TMEM71: variants seen among roughly 807,000 people sequenced by gnomAD.
TMEM71 encodes the protein transmembrane protein 71.
Under a neutral mutation model 38.0 loss-of-function variants are expected in TMEM71, and 44 were observed. The ratio of observed to expected loss-of-function variants is 1.16; its 90% CI spans 0.91 to 1.49. The LOEUF (loss-of-function observed/expected upper bound fraction) is 1.49. Ranked by LOEUF, TMEM71 falls within the 40% of genes most tolerant of loss-of-function variation. The probability of loss-of-function intolerance (pLI) is 0.00; values close to 1 mark genes in which losing one functional copy is unlikely to be tolerated. For synonymous variants in TMEM71, 133 were observed against 122.5 expected (o/e 1.09, Z -0.56); for missense variants, 367 against 348.6 (o/e 1.05, Z -0.42).
intron 7 of TMEM71, among the ~76,000 whole-genome samples, chr8:132,719,107 A>G (rs1586785216): frequency 6.6e-6 from 1 of 152,348 alleles, no homozygotes; most frequent in Middle Eastern, 3.4e-3. Flanking sequence ...TTTTGTATAA[A>G]CACCTGTAAT....
chr8:132,732,221 G>T (rs1197772313), intron 5 of TMEM71, among the ~76,000 whole-genome samples: 2 of 152,178 alleles, frequency 1.3e-5, no homozygotes, highest in Non-Finnish European at 2.9e-5. Flanking sequence ...CTAGGAAGGG[G>T]TGTCTGAGTC....
intron 3 of TMEM71, 35 bp from the exon 4 acceptor site, chr8:132,752,032 A>G (rs759727795): frequency 1.7e-5 from 27 of 1,551,956 alleles, no homozygotes; most frequent in South Asian, 2.2e-5. Flanking sequence ...TTAAATCTCT[A>G]TTCAGTACAT....
In TMEM71 at chr8:132,727,997, A is replaced by T; in HGVS notation, c.488-11T>A. On this transcript the variant is annotated splice_polypyrimidine_tract_variant and intron_variant, in intron 5 of 9. Transcript: ENST00000677595. ...AGTCTAAATCATCTGCTGAAAAAGC[A>T]GAGGGGTTCAGTGTGAGTGTGTGTG... is the stretch of plus-strand genomic sequence containing the variant. 6.3e-7 allele frequency: 1 copy of T among 1,590,776 alleles called. No individual in the cohort carries two copies. Among genetic ancestry groups the T allele is most frequent in the Non-Finnish European group, 8.5e-7 (1 of 1,172,368 alleles).
intron 5 of TMEM71, among the ~76,000 whole-genome samples, chr8:132,745,337 C>A (rs1438615482): frequency 1.3e-5 from 2 of 151,890 alleles, no homozygotes; most frequent in Admixed American, 6.6e-5. Context: ...TAAGCAAAAA[C>A]CAAATAATCC....
intron 7 of TMEM71, among the ~76,000 whole-genome samples, chr8:132,717,508 C>T (rs962442634): frequency 6.6e-6 from 1 of 152,126 alleles, no homozygotes; most frequent in Non-Finnish European, 1.5e-5. Flanking sequence ...CATCATTATC[C>T]ATCAGGGAAA....
rs1554619985 is a variant in TMEM71, at chr8:132,756,411, T to TATTATA, written c.101+822_101+823insTATAAT. On this transcript the variant is annotated intron_variant, in intron 3 of 9. Coordinates refer to ENST00000677595, the MANE Select transcript of TMEM71 (RefSeq NM_001382403.1). The stretch of plus-strand genomic sequence containing the variant: ...CCATATATTGACACTAACATATATA[T>TATTATA]TATATATATATATATATATATATAT... Among the ~76,000 whole-genome samples the TATTATA allele has an allele frequency of 4.4e-3, 510 of 115,768 alleles. 2 individuals carry two copies. Among genetic ancestry groups the TATTATA allele is most frequent in the African/African-American group, 0.013 (316 of 24,492 alleles). 75.9% of individuals were successfully genotyped at this position (115,768 alleles called of 152,430 possible).
chr8:132,721,735 C>A lies in TMEM71; in HGVS notation c.752+305G>T, dbSNP rs185157302. ...CTAATTTCATACTTTTAATTTTCAC[C>A]ATGTTGGTCAGGCTGGTCTCGAACT... On this transcript the variant is annotated intron_variant, in intron 7 of 9. Coordinates refer to ENST00000677595, the MANE Select transcript of TMEM71 (RefSeq NM_001382403.1). Among the ~76,000 whole-genome samples, 292 of 151,808 alleles carry A rather than the reference C, an allele frequency of 1.9e-3. 1 individual carries two copies. Among genetic ancestry groups the A allele is most frequent in the African/African-American group, 6.8e-3 (282 of 41,438 alleles).
At chr8:132,756,411 T>TTATA (rs55767264) in intron 3 of TMEM71, among the ~76,000 whole-genome samples, 7,685 of 115,446 alleles carry the variant, frequency 0.067, 317 homozygotes, top group African/African-American at 0.1. Flanking sequence ...AACATATATA[T>TTATA]TATATATATA....
At position 132,715,765 on chromosome 8, in the gene TMEM71, T is replaced by A. The variant is rs944433968; in HGVS notation, c.753-1550A>T. The stretch of plus-strand genomic sequence containing the variant: ...GATTCAGCAACAAAAAGGAATGAGC[T>A]AATTGTAGAATAGCACATTTGTTAT... On this transcript the variant is annotated intron_variant, in intron 7 of 9. Transcript: ENST00000677595. Among the ~76,000 whole-genome samples the A allele has an allele frequency of 2.0e-5, 3 of 152,380 alleles. No homozygotes were observed. In the East Asian group the frequency reaches 5.8e-4, roughly 29 times the overall value.
downstream of TMEM71, among the ~76,000 whole-genome samples, chr8:132,708,835 A>C (rs554559795): frequency 2.4e-4 from 36 of 152,374 alleles, no homozygotes; most frequent in Non-Finnish European, 4.6e-4. Context: ...CCACAGAAGC[A>C]GAGGCTAGAG....
intron 6 of TMEM71, 123 bp downstream of exon 6, chr8:132,727,675 C>T: frequency 1.2e-6 from 1 of 808,344 alleles, no homozygotes; most frequent in Non-Finnish European, 1.9e-6. Flanking sequence ...GCCCCATGTC[C>T]TCCCTTCCTC....
At chr8:132,759,030 A>G (rs976017031) in intron 1 of TMEM71, 115 bp from the exon 2 acceptor site, 2 of 659,120 alleles carry the variant, frequency 3.0e-6, no homozygotes, top group Non-Finnish European at 5.3e-6. Flanking sequence ...AATAATACAG[A>G]GATACAGAAT....
chr8:132,719,772 C>T (rs1826738818), intron 7 of TMEM71, among the ~76,000 whole-genome samples: 1 of 152,116 alleles, frequency 6.6e-6, no homozygotes, highest in Non-Finnish European at 1.5e-5. Flanking sequence ...TCAGCTTCCT[C>T]TATTATTATT....
chr8:132,750,668 CT>C (rs1828657652), intron 4 of TMEM71, among the ~76,000 whole-genome samples: 1 of 152,182 alleles, frequency 6.6e-6, no homozygotes, highest in South Asian at 2.1e-4. Flanking sequence ...CAATAGCTGA[CT>C]GATACAGTCA....
At chr8:132,761,624 A>G (rs10086748), upstream of TMEM71, among the ~76,000 whole-genome samples, 1,839 of 152,280 alleles carry the variant, frequency 0.012, 36 homozygotes, top group African/African-American at 0.041. Context: ...ATCTAATTTC[A>G]AAGTTCTCTG....
chr8:132,719,941 C>T (rs1826749079), intron 7 of TMEM71, among the ~76,000 whole-genome samples: 1 of 152,168 alleles, frequency 6.6e-6, no homozygotes, highest in Non-Finnish European at 1.5e-5. Flanking sequence ...CTGCTAGGCT[C>T]CTCTGGGCTC....
intron 6 of TMEM71, among the ~76,000 whole-genome samples, chr8:132,724,322 C>T (rs765710233): frequency 4.6e-5 from 7 of 152,136 alleles, no homozygotes; most frequent in African/African-American, 1.2e-4. Flanking sequence ...CTTATCTCAA[C>T]GGCATAGGAC....
chr8:132,706,181 A>G (rs1826091889), downstream of TMEM71, among the ~76,000 whole-genome samples: 1 of 152,148 alleles, frequency 6.6e-6, no homozygotes, highest in Admixed American at 6.6e-5. Context: ...CTGAAAAAAA[A>G]TACATGTTTG....
At chr8:132,751,762 T>C (rs1356889788) in intron 4 of TMEM71, 23 bp downstream of exon 4, 2 of 1,602,162 alleles carry the variant, frequency 1.2e-6, no homozygotes, top group Admixed American at 3.3e-5. Flanking sequence ...TTCAGATTTC[T>C]TTCTGTAATA....
Sources: gnomAD v4.1 joint callset for allele counts (sites outside exome capture counted in the v4.1 genomes callset) on GRCh38, gnomAD v4.1.1 for gene constraint, MANE v1.5 for transcripts, NCBI Gene and HGNC (gene_info 2026-07-23, HGNC 2026-07-21) for gene names.